Variants in DHX37 observed in about 807,000 individuals in gnomAD.
DHX37 encodes DEAH-box helicase 37.
In DHX37, 52 loss-of-function variants were observed where a neutral mutation model predicts 134.3. That is an observed-to-expected ratio of 0.39 (90% CI 0.31 to 0.49). DHX37 has a LOEUF of 0.49. Ranked by LOEUF, DHX37 falls within the 20% of genes least tolerant of loss-of-function variation. The probability of loss-of-function intolerance (pLI) is 0.93; values close to 1 mark genes in which losing one functional copy is unlikely to be tolerated. For missense variants in DHX37, 1,344 were observed against 1,580.8 expected (o/e 0.85, Z 2.54); for synonymous variants, 634 against 670.7 (o/e 0.95, Z 0.85).
chr12:124,950,605 T>TGCCATGCCTCTGCCCCAGGGTCCCA, intron 22 of DHX37, 55 bp from the exon 23 acceptor site: 2 of 1,553,782 alleles, frequency 1.3e-6, no homozygotes, highest in Non-Finnish European at 1.7e-6. Flanking sequence ...TGGGAGGGGC[T>TGCCATGCCTCTGCCCCAGGGTCCCA]GCCATGCCTC....
intron 15 of DHX37, among the ~76,000 whole-genome samples, chr12:124,961,186 ACG>A (rs556883654): frequency 3.4e-4 from 8 of 23,720 alleles, no homozygotes; most frequent in African/African-American, 6.5e-4. Flanking sequence ...GCATGCGCGC[ACG>A]CACACACACA....
chr12:124,965,444 C>T (rs10846791), intron 13 of DHX37, among the ~76,000 whole-genome samples: 47,982 of 152,016 alleles, frequency 0.32, 8,174 homozygotes, highest in East Asian at 0.64. Context: ...GCAACACCCC[C>T]AGGCTCTGAA....
chr12:124,964,696 G>C, intron 14 of DHX37, 70 bp from the exon 15 acceptor site: 3 of 1,581,742 alleles, frequency 1.9e-6, no homozygotes, highest in Admixed American at 2.0e-5. Context: ...GGAGGCTCAA[G>C]GACAAAGCCA....
intron 6 of DHX37, among the ~76,000 whole-genome samples, chr12:124,972,957 T>C (rs1490886587): frequency 6.6e-6 from 1 of 152,228 alleles, no homozygotes; most frequent in African/African-American, 2.4e-5. Context: ...TGCAGCTGTA[T>C]GTGTTTCACA....
Position 124,961,261 on chromosome 12 carries a change from C to T in DHX37, c.2046-838G>A, listed in dbSNP as rs1370023127. 5.1e-3 allele frequency among the ~76,000 whole-genome samples: 580 copies of T among 114,194 alleles called. 2 individuals are homozygous for T. The highest frequency in any genetic ancestry group is 6.5e-3 in the Non-Finnish European group (388 of 59,448). 74.9% of individuals were successfully genotyped at this position (114,194 alleles called of 152,430 possible). On this transcript the variant is annotated intron_variant, in intron 15 of 26. Transcript: ENST00000308736. ...ACATACACGCGTGCACGCACGCACA[C>T]ACATACACGCGTGCACGCACACACA...
At chr12:124,976,500 T>C (rs1473176747) in intron 5 of DHX37, among the ~76,000 whole-genome samples, 4 of 151,138 alleles carry the variant, frequency 2.6e-5, no homozygotes, top group Non-Finnish European at 4.4e-5. Flanking sequence ...TCACATGAGG[T>C]CAGGAGTTCA....
chr12:124,952,740 T>G, intron 20 of DHX37, 170 bp from the exon 21 acceptor site: 1 of 540,948 alleles, frequency 1.8e-6, no homozygotes, highest in Non-Finnish European at 2.9e-6. Flanking sequence ...GCAGGCAGGA[T>G]TGCAGCCGCC....
At chr12:124,976,657 G>A (rs369148034) in intron 5 of DHX37, among the ~76,000 whole-genome samples, 83 of 152,116 alleles carry the variant, frequency 5.5e-4, no homozygotes, top group Admixed American at 2.7e-3. Context: ...GTGAAACCCC[G>A]TCTCTACTAA....
Position 124,971,529 on chromosome 12 carries a change from C to T in DHX37, c.1078-114G>A. 5.4e-6 allele frequency: 8 copies of T among 1,488,240 alleles called. No homozygotes were observed. In the South Asian group the frequency reaches 1.0e-4, roughly 19 times the overall value. The allele number at this position is 1,488,240 out of a possible 1,614,324, so 92.2% of individuals were successfully genotyped here. A position where few individuals can be genotyped will look rare whatever the true frequency, so the allele number is the denominator to read the frequency against. The stretch of plus-strand genomic sequence containing the variant: ...TGTTAGAGGAAGGGCAGCTGCTCTT[C>T]ATCAGAGGTGAGCTGCTCAACTCAG... On this transcript the variant is annotated intron_variant, in intron 7 of 26. Coordinates refer to ENST00000308736, the MANE Select transcript of DHX37 (RefSeq NM_032656.4).
chr12:124,959,073 CTTTTTT>C (rs1188884814), intron 16 of DHX37, among the ~76,000 whole-genome samples: 1 of 115,816 alleles, frequency 8.6e-6, no homozygotes, highest in Non-Finnish European at 1.7e-5. Context: ...CCACACCTGG[CTTTTTT>C]TTTTTTTTTT....
At chr12:124,984,176 T>C (rs1187326168) in intron 2 of DHX37, among the ~76,000 whole-genome samples, 1 of 152,124 alleles carries the variant, frequency 6.6e-6, no homozygotes, top group African/African-American at 2.4e-5. Flanking sequence ...CGGATGACAG[T>C]CACTGCTACA....
chr12:124,956,432 T>A (rs1316896558), intron 18 of DHX37, among the ~76,000 whole-genome samples: 1 of 152,256 alleles, frequency 6.6e-6, no homozygotes, highest in African/African-American at 2.4e-5. Context: ...GTAAATTTTG[T>A]TAAATACACA....
Position 124,947,891 on chromosome 12 carries a change from C to A in DHX37, c.3389-4G>T. ...TCACAGTACTCAGCCAGCAGGTCTG[C>A]AGGGGAGGGAAGGAGGACAGTGTCA... is the stretch of plus-strand genomic sequence containing the variant. On this transcript the variant is annotated splice_polypyrimidine_tract_variant and splice_region_variant and intron_variant, in intron 26 of 26. Transcript: ENST00000308736. 6.2e-7 allele frequency: 1 copy of A among 1,609,874 alleles called. No individual in the cohort carries two copies. The highest frequency in any genetic ancestry group is 8.5e-7 in the Non-Finnish European group (1 of 1,177,584).
chr12:124,982,294 G>C (rs991989970), intron 3 of DHX37, among the ~76,000 whole-genome samples: 1 of 152,126 alleles, frequency 6.6e-6, no homozygotes, highest in Admixed American at 6.6e-5. Context: ...TCACTGGAGC[G>C]AGAAACTTTG....
rs1348328062 is a variant in DHX37 at position 124,965,754 on chromosome 12, T to TCATCGC, written c.1643_1648dup (p.Gly548_Asp549dup). Reference sequence around the variant, plus strand: ...CTCATCCACTTCTGCCTCCCTGTCCTCATCGCCTTCGCCTGCCGGTAACAC... The same window carrying TCATCGC: ...CTCATCCACTTCTGCCTCCCTGTCCTCATCGCCATCGCCTTCGCCTGCCGGTAACAC... On this transcript the variant is annotated inframe_insertion, in exon 13 of 27. Transcript: ENST00000308736. 3 of 1,613,864 alleles carry TCATCGC rather than the reference T, an allele frequency of 1.9e-6. No individual in the cohort carries two copies. Among genetic ancestry groups the TCATCGC allele is most frequent in the Non-Finnish European group, 2.5e-6 (3 of 1,179,932 alleles).
chr12:124,967,054 C>A, intron 11 of DHX37, 69 bp downstream of exon 11: 1 of 1,574,950 alleles, frequency 6.3e-7, no homozygotes, highest in Non-Finnish European at 8.7e-7. Context: ...GGAGCTGCAC[C>A]CCAGCCAGGG....
intron 10 of DHX37, among the ~76,000 whole-genome samples, chr12:124,968,105 C>T (rs1954432230): frequency 6.6e-6 from 1 of 151,420 alleles, no homozygotes; most frequent in Non-Finnish European, 1.5e-5. Context: ...TGGCTGGAAG[C>T]GATCACAATC....
At chr12:124,982,095 C>G (rs1208416020) in intron 3 of DHX37, among the ~76,000 whole-genome samples, 1 of 151,276 alleles carries the variant, frequency 6.6e-6, no homozygotes, top group African/African-American at 2.4e-5. Flanking sequence ...TGCACTCCAG[C>G]CTGGGTGACA....
At chr12:124,963,344 A>G (rs1311521292) in intron 15 of DHX37, among the ~76,000 whole-genome samples, 1 of 152,120 alleles carries the variant, frequency 6.6e-6, no homozygotes, top group Non-Finnish European at 1.5e-5. Context: ...GATGCTTGCC[A>G]CAGGCTGGGG....
Sources: allele counts gnomAD v4.1 joint callset (sites outside exome capture counted in the v4.1 genomes callset), GRCh38; gene constraint gnomAD v4.1.1; transcripts MANE v1.5; gene names NCBI Gene and HGNC (gene_info 2026-07-23, HGNC 2026-07-21).